The following EYA2 variants were observed in gnomAD, a reference collection of about 807,000 sequenced individuals.
The protein encoded by EYA2 is EYA transcriptional coactivator and phosphatase 2, also known as protein phosphatase EYA2.
Under a neutral mutation model 69.2 loss-of-function variants are expected in EYA2, and 31 were observed. That is an observed-to-expected ratio of 0.45 (90% confidence interval 0.34 to 0.60). The LOEUF (loss-of-function observed/expected upper bound fraction) is 0.60, where lower values mean the gene tolerates loss of function less well. EYA2 is among the 20% of genes least tolerant of loss of function. The pLI, the probability that EYA2 is intolerant of heterozygous loss-of-function variation, is 0.02. For synonymous variants in EYA2, 257 were observed against 279.4 expected (o/e 0.92, Z 0.80); for missense variants, 622 against 701.2 (o/e 0.89, Z 1.28).
chr20:47,053,953 T>G (rs987350292), intron 5 of EYA2, among the ~76,000 whole-genome samples: 11 of 152,060 alleles, frequency 7.2e-5, no homozygotes, highest in African/African-American at 2.7e-4. Context: ...CTCGGAACCT[T>G]ACTGAGTGAC....
intron 1 of EYA2, among the ~76,000 whole-genome samples, chr20:46,908,118 A>G (rs894795833): frequency 6.6e-6 from 1 of 152,144 alleles, no homozygotes; most frequent in Non-Finnish European, 1.5e-5. Context: ...CATTCATTCA[A>G]AAATATGTAT....
intron 5 of EYA2, among the ~76,000 whole-genome samples, chr20:47,049,677 G>A (rs1005405035): frequency 6.6e-6 from 1 of 151,096 alleles, no homozygotes; most frequent in African/African-American, 2.4e-5. Context: ...GGCCCCCCCA[G>A]AAGCTGAGCA....
chr20:47,182,274 C>T (rs1229327504), intron 14 of EYA2, among the ~76,000 whole-genome samples: 3 of 151,766 alleles, frequency 2.0e-5, no homozygotes, highest in Admixed American at 2.0e-4. Flanking sequence ...CTCGGCCTCC[C>T]AAAATGCTGG....
intron 8 of EYA2, among the ~76,000 whole-genome samples, chr20:47,091,119 C>A: frequency 6.6e-6 from 1 of 152,148 alleles, no homozygotes; most frequent in East Asian, 1.9e-4. Flanking sequence ...GAAAGATCAC[C>A]TTTGTCATTT....
chr20:47,141,123 C>G (rs1047703729), intron 9 of EYA2, among the ~76,000 whole-genome samples: 1 of 152,156 alleles, frequency 6.6e-6, no homozygotes, highest in African/African-American at 2.4e-5. Flanking sequence ...AAATCCAAAC[C>G]ATAGCAATGG....
intron 1 of EYA2, among the ~76,000 whole-genome samples, chr20:46,906,049 A>G (rs1984338065): frequency 1.3e-5 from 2 of 152,206 alleles, no homozygotes; most frequent in South Asian, 4.1e-4. Context: ...ATTAACTTGA[A>G]ATGTACATGG....
intron 13 of EYA2, 130 bp from the exon 14 acceptor site, chr20:47,180,685 C>A: frequency 2.6e-6 from 3 of 1,146,804 alleles, no homozygotes; most frequent in Non-Finnish European, 3.7e-6. Context: ...TGGGCCCTAA[C>A]ATACCTGAAG....
At chr20:47,071,320 T>G (rs1014100940) in intron 5 of EYA2, among the ~76,000 whole-genome samples, 3 of 152,044 alleles carry the variant, frequency 2.0e-5, no homozygotes, top group African/African-American at 7.2e-5. Context: ...TGTTTTAATT[T>G]TTTTGTAGAG....
At chr20:47,119,161 TTTCCC>T (rs2032980553) in intron 9 of EYA2, among the ~76,000 whole-genome samples, 1 of 152,250 alleles carries the variant, frequency 6.6e-6, no homozygotes, top group Non-Finnish European at 1.5e-5. Context: ...ACACTACTTA[TTTCCC>T]AACAATAGTG....
intron 15 of EYA2, among the ~76,000 whole-genome samples, chr20:47,185,234 TTCC>T (rs1415568424): frequency 2.7e-5 from 4 of 149,740 alleles, no homozygotes; most frequent in Non-Finnish European, 5.9e-5. Flanking sequence ...ATTCTCTTTC[TTCC>T]ACCTTTGCTC....
At chr20:47,131,940 G>A (rs1457583125) in intron 9 of EYA2, among the ~76,000 whole-genome samples, 9 of 152,122 alleles carry the variant, frequency 5.9e-5, no homozygotes, top group African/African-American at 2.2e-4. Context: ...ATGATAACAA[G>A]TTTCTTTCTA....
At chr20:47,084,210 C>T (rs1409868978) in intron 7 of EYA2, among the ~76,000 whole-genome samples, 6 of 151,870 alleles carry the variant, frequency 4.0e-5, no homozygotes, top group African/African-American at 1.5e-4. Context: ...TGCGCCACTG[C>T]ACTCCAGCCT....
chr20:47,117,313 C>T lies in EYA2; in HGVS notation c.888+20145C>T, dbSNP rs889755480. The T allele has an allele frequency of 2.8e-5, 27 of 951,840 alleles. No individual in the cohort carries two copies. The African/African-American group carries it at 4.2e-4, about 15-fold the overall frequency. The allele number at this position is 951,840 out of a possible 1,614,324, so 59.0% of individuals were successfully genotyped here. On this transcript the variant is annotated intron_variant, in intron 9 of 15. Transcript: ENST00000327619. ...GCATGAGCCACCGCACCCAGCCAAG[C>T]ATCTGCATTTAACTCCATCCCCAGG...
intron 5 of EYA2, among the ~76,000 whole-genome samples, chr20:47,071,083 C>T (rs554818050): frequency 4.6e-5 from 7 of 152,134 alleles, no homozygotes; most frequent in Admixed American, 1.3e-4. Context: ...AGTCTTGGCT[C>T]GCTGCTACCT....
chr20:47,099,597 G>A (rs112149047), intron 9 of EYA2, among the ~76,000 whole-genome samples: 4,273 of 152,294 alleles, frequency 0.028, 189 homozygotes, highest in African/African-American at 0.097. Context: ...CTTCATATAT[G>A]TACAGGAATG....
chr20:47,067,230 A>ACTGC (rs2031145723), intron 5 of EYA2, among the ~76,000 whole-genome samples: 1 of 152,208 alleles, frequency 6.6e-6, no homozygotes, highest in African/African-American at 2.4e-5. Context: ...AAGAGAAAAC[A>ACTGC]CTGCAGTCAG....
At chr20:46,905,467 C>A (rs1984306777) in intron 1 of EYA2, among the ~76,000 whole-genome samples, 1 of 152,212 alleles carries the variant, frequency 6.6e-6, no homozygotes, top group African/African-American at 2.4e-5. Context: ...GTTGCTGTGG[C>A]CTTTTACCCC....
intron 1 of EYA2, among the ~76,000 whole-genome samples, chr20:46,912,960 A>G (rs1984727876): frequency 6.6e-6 from 1 of 151,322 alleles, no homozygotes; most frequent in Admixed American, 6.6e-5. Context: ...TCGGCCTCCC[A>G]AAGTGCTGGG....
At chr20:47,003,322 A>G (rs1265830454) in intron 3 of EYA2, among the ~76,000 whole-genome samples, 1 of 152,250 alleles carries the variant, frequency 6.6e-6, no homozygotes, top group African/African-American at 2.4e-5. Flanking sequence ...AAATGAGCCA[A>G]TTCACATGAA....
Sources: gnomAD v4.1 joint callset for allele counts (sites outside exome capture counted in the v4.1 genomes callset) on GRCh38, gnomAD v4.1.1 for gene constraint, MANE v1.5 for transcripts, NCBI Gene and HGNC (gene_info 2026-07-23, HGNC 2026-07-21) for gene names.